The following TXLNB variants were observed in gnomAD, a reference collection of about 807,000 sequenced individuals.
TXLNB encodes beta-taxilin.
In TXLNB, 37 loss-of-function variants were observed where a neutral mutation model predicts 57.4. The observed-to-expected ratio is 0.64, with a 90% CI of 0.50 to 0.85. The LOEUF is 0.85. TXLNB is among the 40% of genes least tolerant of loss of function. TXLNB has a pLI of 0.00. For missense variants in TXLNB, 848 were observed against 825.6 expected, an observed-to-expected ratio of 1.03 and a Z score of -0.33; for synonymous variants, 302 against 309.6, an observed-to-expected ratio of 0.98 and a Z score of 0.26.
At chr6:139,297,397 T>C in the TXLNB span, among the ~76,000 whole-genome samples, 1 of 152,228 alleles carries the variant, frequency 6.6e-6, no homozygotes, top group Admixed American at 6.5e-5. Context: ...TTGGTTGTTC[T>C]TTCTTTCAGG....
At position 139,262,618 on chromosome 6, in the gene TXLNB, C is replaced by CT; in HGVS notation, c.842dup (p.Leu282AlafsTer9). The CT allele has an allele frequency of 6.2e-7, 1 of 1,614,094 alleles. No individual in the cohort carries two copies. The highest frequency in any genetic ancestry group is 8.5e-7 in the Non-Finnish European group (1 of 1,179,988). On this transcript the variant is annotated frameshift_variant, in exon 5 of 10. Coordinates refer to ENST00000358430, the MANE Select transcript of TXLNB (RefSeq NM_153235.4). LOFTEE classifies it high-confidence loss of function. ...CATACTGATCGATGATGCTTTTCAG[C>CT]TTTTCTGCAAGCTCTGTGTTCTCCT...
the TXLNB span, among the ~76,000 whole-genome samples, chr6:139,194,216 C>T: frequency 6.6e-6 from 1 of 152,192 alleles, no homozygotes; most frequent in Non-Finnish European, 1.5e-5. Flanking sequence ...GCCGGGATTA[C>T]AGGCGTGAGC....
At chr6:139,252,053 A>G (rs1253232931) in intron 7 of TXLNB, among the ~76,000 whole-genome samples, 1 of 152,220 alleles carries the variant, frequency 6.6e-6, no homozygotes, top group African/African-American at 2.4e-5. Context: ...TGTAGTGACA[A>G]TTGTATCCCA....
chr6:139,267,193 C>T (rs1254688347), intron 4 of TXLNB, among the ~76,000 whole-genome samples: 1 of 152,026 alleles, frequency 6.6e-6, no homozygotes, highest in Non-Finnish European at 1.5e-5. Flanking sequence ...TAAGAAGTAT[C>T]AGGAATGGTA....
chr6:139,194,043 G>A, the TXLNB span, among the ~76,000 whole-genome samples: 64 of 151,148 alleles, frequency 4.2e-4, no homozygotes, highest in East Asian at 6.2e-3. Flanking sequence ...GGGTTTCACC[G>A]TGTTAGCCAG....
At chr6:139,162,732 C>G in the TXLNB span, among the ~76,000 whole-genome samples, 1 of 152,188 alleles carries the variant, frequency 6.6e-6, no homozygotes, top group Non-Finnish European at 1.5e-5. Context: ...ACATTGCCAC[C>G]ACCCTCTGCT....
chr6:139,276,066 G>A (rs1283308844), intron 3 of TXLNB, among the ~76,000 whole-genome samples: 2 of 152,102 alleles, frequency 1.3e-5, no homozygotes, highest in African/African-American at 2.4e-5. Context: ...TCTAAACAAC[G>A]ACATAAAATA....
In TXLNB at chr6:139,247,803, T is replaced by C. The variant is rs1195991348; in HGVS notation, c.1170+14A>G. 20 of 1,559,814 alleles carry C rather than the reference T, an allele frequency of 1.3e-5. No homozygotes were observed. The highest frequency in any genetic ancestry group is 1.7e-5 in the Non-Finnish European group (20 of 1,144,688). ...GAAAATGTCAATATTTTGTTGGTGA[T>C]AAGCAATACTCACTTTGTCCATTTC... On this transcript the variant is annotated intron_variant, in intron 8 of 9. Coordinates refer to ENST00000358430, the MANE Select transcript of TXLNB (RefSeq NM_153235.4).
the TXLNB span, chr6:139,182,958 T>C: frequency 6.6e-6 from 1 of 152,194 alleles, no homozygotes; most frequent in Non-Finnish European, 1.5e-5. Flanking sequence ...TTACACTTGA[T>C]TAAAAATTTA....
chr6:139,221,196 C>T, the TXLNB span, among the ~76,000 whole-genome samples: 1 of 152,274 alleles, frequency 6.6e-6, no homozygotes, highest in South Asian at 2.1e-4. Flanking sequence ...AGCAAAGCAT[C>T]CCACAGTTTC....
chr6:139,296,058 T>G (rs57787512), upstream of TXLNB, among the ~76,000 whole-genome samples: 1,462 of 152,280 alleles, frequency 9.6e-3, 20 homozygotes, highest in African/African-American at 0.034. Context: ...CAGCCTGGGC[T>G]GGTGGCTTCT....
the TXLNB span, among the ~76,000 whole-genome samples, chr6:139,200,744 CT>C: frequency 6.6e-6 from 1 of 152,156 alleles, no homozygotes; most frequent in East Asian, 1.9e-4. Context: ...TATTGAGGGA[CT>C]GATACCCCAG....
chr6:139,304,097 A>G, the TXLNB span, among the ~76,000 whole-genome samples: 1 of 152,214 alleles, frequency 6.6e-6, no homozygotes, highest in Non-Finnish European at 1.5e-5. Context: ...ACTGAAATCT[A>G]TTAAACAGCT....
the TXLNB span, among the ~76,000 whole-genome samples, chr6:139,205,969 GC>G: frequency 2.0e-5 from 3 of 152,204 alleles, no homozygotes; most frequent in Admixed American, 2.0e-4. Flanking sequence ...CAGATTAACA[GC>G]AGATTCCTCA....
intron 3 of TXLNB, among the ~76,000 whole-genome samples, chr6:139,272,134 C>G (rs1776780729): frequency 1.3e-5 from 2 of 151,818 alleles, no homozygotes; most frequent in Non-Finnish European, 2.9e-5. Context: ...TGGTGAAACC[C>G]CATCTCTACT....
At chr6:139,165,223 T>C in the TXLNB span, among the ~76,000 whole-genome samples, 2 of 152,374 alleles carry the variant, frequency 1.3e-5, no homozygotes, top group African/African-American at 4.8e-5. Flanking sequence ...CCAGGACTTA[T>C]ACATACATGT....
chr6:139,293,236 C>T (rs762234633), upstream of TXLNB, among the ~76,000 whole-genome samples: 4 of 152,068 alleles, frequency 2.6e-5, no homozygotes, highest in Admixed American at 6.6e-5. Context: ...GGATTACAGG[C>T]GCCTGCCACC....
At chr6:139,286,510 GTT>G (rs1777178847) in intron 2 of TXLNB, among the ~76,000 whole-genome samples, 1 of 151,330 alleles carries the variant, frequency 6.6e-6, no homozygotes, top group Non-Finnish European at 1.5e-5. Flanking sequence ...TGACCGGACC[GTT>G]CAAAGGAAGA....
the TXLNB span, chr6:139,174,580 G>A: frequency 1.3e-6 from 2 of 1,598,684 alleles, no homozygotes; most frequent in African/African-American, 2.7e-5. Flanking sequence ...GGTGATATTA[G>A]GCTTCTGTCC....
Sources: allele counts gnomAD v4.1 joint callset (sites outside exome capture counted in the v4.1 genomes callset), GRCh38; gene constraint gnomAD v4.1.1; transcripts MANE v1.5; gene names NCBI Gene and HGNC (gene_info 2026-07-23, HGNC 2026-07-21).